ADCY2: variants seen among roughly 807,000 people sequenced by gnomAD.
The protein encoded by ADCY2 is adenylate cyclase 2.
ADCY2 carries 31 observed loss-of-function variants against 125.2 expected under a neutral mutation model. The observed-to-expected ratio is 0.25, with a 90% confidence interval of 0.19 to 0.33. The LOEUF (loss-of-function observed/expected upper bound fraction) is 0.33, where lower values mean the gene tolerates loss of function less well. ADCY2 is among the 10% of genes least tolerant of loss of function. The pLI, the probability that ADCY2 is intolerant of heterozygous loss-of-function variation, is 1.00. For missense variants in ADCY2, 904 were observed against 1,418.2 expected (o/e 0.64, Z 5.82); for synonymous variants, 512 against 548.4 (o/e 0.93, Z 0.93).
At chr5:7,513,908 A>G (rs1744167451) in intron 2 of ADCY2, among the ~76,000 whole-genome samples, 1 of 152,116 alleles carries the variant, frequency 6.6e-6, no homozygotes, top group South Asian at 2.1e-4. Context: ...GTTCACTGAG[A>G]TGTTATTTCC....
chr5:7,811,757 T>C (rs1409439030), intron 22 of ADCY2, among the ~76,000 whole-genome samples: 1 of 152,100 alleles, frequency 6.6e-6, no homozygotes. Flanking sequence ...AATCAGACCC[T>C]AGTCTCCATC....
chr5:7,563,930 C>T (rs931582623), intron 3 of ADCY2, among the ~76,000 whole-genome samples: 1 of 152,170 alleles, frequency 6.6e-6, no homozygotes, highest in Non-Finnish European at 1.5e-5. Context: ...AACAAAGACT[C>T]CTCTTGCTTT....
chr5:7,573,869 C>A (rs1736153557), intron 3 of ADCY2, among the ~76,000 whole-genome samples: 1 of 139,792 alleles, frequency 7.2e-6, no homozygotes, highest in East Asian at 2.0e-4. Context: ...ACTAACTCGT[C>A]ATCTAGCATT....
intron 3 of ADCY2, among the ~76,000 whole-genome samples, chr5:7,570,468 G>A (rs189750571): frequency 6.6e-5 from 10 of 152,120 alleles, no homozygotes; most frequent in Non-Finnish European, 1.3e-4. Flanking sequence ...TCTTAATTCA[G>A]TATGACGTGA....
At chr5:7,607,780 A>T (rs116662370) in intron 3 of ADCY2, among the ~76,000 whole-genome samples, 320 of 152,372 alleles carry the variant, frequency 2.1e-3, no homozygotes, top group African/African-American at 7.4e-3. Flanking sequence ...TGTGTGCAGA[A>T]TTGGCTGTAA....
At chr5:7,452,674 A>G (rs189212226) in intron 2 of ADCY2, among the ~76,000 whole-genome samples, 36 of 152,318 alleles carry the variant, frequency 2.4e-4, no homozygotes, top group African/African-American at 7.7e-4. Context: ...AGAAATCTCC[A>G]TATTGCTTTC....
intron 23 of ADCY2, among the ~76,000 whole-genome samples, chr5:7,820,107 AAGG>A (rs550753689): frequency 1.0e-3 from 153 of 152,324 alleles, no homozygotes; most frequent in African/African-American, 3.5e-3. Flanking sequence ...CACAAAATCA[AAGG>A]AGAATTTATT....
At chr5:7,513,813 A>C (rs1303446220) in intron 2 of ADCY2, among the ~76,000 whole-genome samples, 1 of 152,206 alleles carries the variant, frequency 6.6e-6, no homozygotes, top group Non-Finnish European at 1.5e-5. Context: ...TACTACTGTA[A>C]ATACAATGGT....
At chr5:7,583,344 A>G (rs1010116820) in intron 3 of ADCY2, among the ~76,000 whole-genome samples, 1 of 152,136 alleles carries the variant, frequency 6.6e-6, no homozygotes, top group Non-Finnish European at 1.5e-5. Flanking sequence ...ACTGATTATA[A>G]TATTTATATT....
chr5:7,403,936 C>CCACA (rs1739366203), intron 1 of ADCY2, among the ~76,000 whole-genome samples: 1 of 100,914 alleles, frequency 9.9e-6, no homozygotes, highest in Non-Finnish European at 2.2e-5. Context: ...CCTTTCAATG[C>CCACA]TACACACACA....
chr5:7,469,283 A>G (rs34842), intron 2 of ADCY2, among the ~76,000 whole-genome samples: 101,303 of 151,524 alleles, frequency 0.67, 34,218 homozygotes, highest in African/African-American at 0.75. Context: ...ATGTGTGACT[A>G]TATGAGTACA....
intron 7 of ADCY2, among the ~76,000 whole-genome samples, chr5:7,704,454 A>G (rs913221912): frequency 6.6e-6 from 1 of 152,224 alleles, no homozygotes; most frequent in African/African-American, 2.4e-5. Context: ...AGTAATATTC[A>G]GGACCTTGAT....
rs1739035752 is a variant in ADCY2 at position 7,396,378 on chromosome 5, C to G, written c.82C>G (p.Arg28Gly). 1 of 1,558,800 alleles carries G rather than the reference C, an allele frequency of 6.4e-7. No homozygotes were observed. Among genetic ancestry groups the G allele is most frequent in the Non-Finnish European group, 8.7e-7 (1 of 1,153,746 alleles). ...GGCGGGCGGCGGAGACGGGCTGCCG[C>G]GGTCCCGGGACTGGCTCTACGAGTC... Reference protein sequence around the residue: ...EAAGGGDGLPRSRDWLYESYY... With the variant: ...EAAGGGDGLPGSRDWLYESYY... The change falls in exon 1 of 25, where the codon CGG becomes GGG. Residue 28 changes from arginine to glycine, a missense_variant. Physicochemically the swap from Arg to Gly is moderately radical, Grantham distance 125. Coordinates refer to ENST00000338316, the MANE Select transcript of ADCY2 (RefSeq NM_020546.3). This position sits in a 1 kb window ranked among gnomAD's most constrained non-coding sequence, Gnocchi z 5.7.
Position 7,775,237 on chromosome 5 carries a change from A to G in ADCY2, c.2384+2136A>G, listed in dbSNP as rs372490228. On this transcript the variant is annotated intron_variant, in intron 18 of 24. Coordinates refer to ENST00000338316, the MANE Select transcript of ADCY2 (RefSeq NM_020546.3). ...TGCACACACATACATATACATATAC[A>G]TATACATACACGTATATATTTTTAG... Among the ~76,000 whole-genome samples the G allele has an allele frequency of 2.4e-4, 36 of 152,110 alleles. No individual in the cohort carries two copies. The East Asian group carries it at 3.7e-3, about 16-fold the overall frequency.
intron 22 of ADCY2, among the ~76,000 whole-genome samples, chr5:7,805,270 G>A (rs1744722820): frequency 6.6e-6 from 1 of 152,098 alleles, no homozygotes; most frequent in African/African-American, 2.4e-5. Flanking sequence ...GCAGTGAACT[G>A]AGATCGCACC....
chr5:7,716,775 G>A (rs1741605354), intron 11 of ADCY2, among the ~76,000 whole-genome samples: 2 of 152,200 alleles, frequency 1.3e-5, no homozygotes, highest in African/African-American at 4.8e-5. Context: ...GAGGTAGAGA[G>A]TAGAATGATA....
At chr5:7,418,645 C>CTTTTTTTTTTTTTTT (rs1160037097) in intron 2 of ADCY2, among the ~76,000 whole-genome samples, 13 of 92,492 alleles carry the variant, frequency 1.4e-4, no homozygotes, top group Non-Finnish European at 2.2e-4. Flanking sequence ...AGTCTACCTT[C>CTTTTTTTTTTTTTTT]TGTTTTTTTT....
chr5:7,614,625 C>G (rs1737688482), intron 3 of ADCY2, among the ~76,000 whole-genome samples: 2 of 152,316 alleles, frequency 1.3e-5, no homozygotes, highest in South Asian at 4.1e-4. Context: ...TCTTCTCACC[C>G]TGCTGTCCTG....
rs371900615 is a variant in ADCY2 at position 7,757,452 on chromosome 5, T to C, written c.1960T>C (p.Cys654Arg). Residue 654 changes from cysteine to arginine, a missense_variant, in exon 16 of 25, where the codon TGC (cysteine) becomes CGC (arginine). Cys to Arg is a radical substitution (Grantham distance 180). Coordinates refer to ENST00000338316, the MANE Select transcript of ADCY2 (RefSeq NM_020546.3). Reference protein sequence around the residue: ...FVCFAGQLLQCSKKASPLLMW... With the variant: ...FVCFAGQLLQRSKKASPLLMW... ...TTTTCTTTCTCTCTTCTCCTAGCAA[T>C]GCAGCAAAAAAGCCTCTCCCCTGCT... The C allele has an allele frequency of 6.3e-5, 101 of 1,613,540 alleles. No homozygotes were observed. Among genetic ancestry groups the C allele is most frequent in the Non-Finnish European group, 8.1e-5 (95 of 1,179,804 alleles).
Sources: gnomAD v4.1 joint callset for allele counts (sites outside exome capture counted in the v4.1 genomes callset) on GRCh38, gnomAD v4.1.1 for gene constraint, Gnocchi (gnomAD v3.1) non-coding constraint, MANE v1.5 for transcripts, NCBI Gene and HGNC (gene_info 2026-07-23, HGNC 2026-07-21) for gene names.